Variants in PHF24 observed in about 807,000 individuals in gnomAD.
The protein encoded by PHF24 is PHD finger protein 24.
A neutral mutation model predicts 42.6 loss-of-function variants in PHF24; 25 were observed. The ratio of observed to expected loss-of-function variants is 0.59; its 90% confidence interval spans 0.43 to 0.82. The LOEUF (loss-of-function observed/expected upper bound fraction) is 0.82. Among genes scored for constraint, PHF24 ranks in the 40% least tolerant of loss-of-function variants. The pLI, the probability that PHF24 is intolerant of heterozygous loss-of-function variation, is 0.00. For missense variants in PHF24, 470 were observed against 538.1 expected (o/e 0.87, Z 1.25); for synonymous variants, 185 against 204.8 (o/e 0.90, Z 0.83).
the PHF24 span, among the ~76,000 whole-genome samples, chr9:34,829,488 A>G: frequency 6.6e-6 from 1 of 152,182 alleles, no homozygotes; most frequent in African/African-American, 2.4e-5. Context: ...AAGTATTCCA[A>G]TATTTTAATT....
chr9:34,901,111 G>A, the PHF24 span, among the ~76,000 whole-genome samples: 8 of 152,138 alleles, frequency 5.3e-5, no homozygotes, highest in Admixed American at 5.2e-4. Context: ...TTCTTGTCAA[G>A]AAAACTCTTA....
the PHF24 span, among the ~76,000 whole-genome samples, chr9:34,805,844 C>T: frequency 1.3e-5 from 2 of 152,090 alleles, no homozygotes; most frequent in African/African-American, 4.8e-5. Flanking sequence ...ATAGTTTTAG[C>T]TTTTTGTTCA....
chr9:34,783,779 C>A, the PHF24 span, among the ~76,000 whole-genome samples: 1 of 152,200 alleles, frequency 6.6e-6, no homozygotes, highest in African/African-American at 2.4e-5. Flanking sequence ...TTAATAACCT[C>A]AAGCTTCCCT....
chr9:34,676,896 C>A, the PHF24 span, among the ~76,000 whole-genome samples: 1 of 152,140 alleles, frequency 6.6e-6, no homozygotes, highest in Non-Finnish European at 1.5e-5. Flanking sequence ...GAGGACAGCC[C>A]CAAGGGGGTG....
the PHF24 span, among the ~76,000 whole-genome samples, chr9:34,827,083 T>A: frequency 1.3e-5 from 2 of 152,292 alleles, no homozygotes; most frequent in African/African-American, 4.8e-5. Flanking sequence ...GTCAGCAGCA[T>A]GAGCCCATGC....
At chr9:34,763,565 T>A in the PHF24 span, among the ~76,000 whole-genome samples, 1 of 152,344 alleles carries the variant, frequency 6.6e-6, no homozygotes, top group South Asian at 2.1e-4. Context: ...GAGACTTTGC[T>A]GAAGTTGCTT....
chr9:34,761,939 A>G, the PHF24 span, among the ~76,000 whole-genome samples: 2 of 152,038 alleles, frequency 1.3e-5, no homozygotes, highest in African/African-American at 4.8e-5. Context: ...GAGTGAGAAT[A>G]TGCGGTGTTT....
At chr9:34,823,336 C>T in the PHF24 span, among the ~76,000 whole-genome samples, 1 of 151,858 alleles carries the variant, frequency 6.6e-6, no homozygotes, top group Admixed American at 6.6e-5. Flanking sequence ...GAGGAAGGGG[C>T]TGTGCTTCTT....
chr9:34,833,558 T>C, the PHF24 span: 7 of 1,551,584 alleles, frequency 4.5e-6, no homozygotes, highest in South Asian at 8.3e-5. Context: ...AGCAGTTTGT[T>C]CCCTGGACTT....
exon 2 of PHF24, chr9:34,971,611 A>T (rs750711934): frequency 6.2e-7 from 1 of 1,614,002 alleles, no homozygotes; most frequent in Non-Finnish European, 8.5e-7. Context: ...CCCTGCGTTC[A>T]TCCGCCCCAC....
the PHF24 span, among the ~76,000 whole-genome samples, chr9:34,710,885 G>A: frequency 2.0e-5 from 3 of 152,062 alleles, no homozygotes; most frequent in South Asian, 2.1e-4. Context: ...GCCACCCAAA[G>A]TGCTGGAATT....
chr9:34,710,590 CCCCAGGAGCTG>C, the PHF24 span, among the ~76,000 whole-genome samples: 1 of 151,760 alleles, frequency 6.6e-6, no homozygotes, highest in East Asian at 1.9e-4. Context: ...ACCTCAACCT[CCCCAGGAGCTG>C]GGACTACAGG....
At chr9:34,971,720 A>G in intron 2 of PHF24, 44 bp downstream of exon 2, 14 of 1,556,944 alleles carry the variant, frequency 9.0e-6, no homozygotes, top group South Asian at 1.2e-5. Context: ...TTAGTGCATC[A>G]GGGAGCAGGA....
the PHF24 span, among the ~76,000 whole-genome samples, chr9:34,733,762 CA>C: frequency 1.2e-4 from 18 of 152,204 alleles, no homozygotes; most frequent in South Asian, 3.7e-3. Context: ...CTCGGCCCTC[CA>C]AATTGCTGTG....
At chr9:34,855,621 A>G in the PHF24 span, among the ~76,000 whole-genome samples, 15 of 152,324 alleles carry the variant, frequency 9.8e-5, no homozygotes, top group South Asian at 2.1e-4. Context: ...CTTCTGGCTT[A>G]TAGTGTTTCC....
chr9:34,726,674 G>A, the PHF24 span: 489,467 of 1,551,152 alleles, frequency 0.32, 79,042 homozygotes, highest in Non-Finnish European at 0.33. Context: ...ATCTGCATAC[G>A]TTGACTGGGC....
the PHF24 span, among the ~76,000 whole-genome samples, chr9:34,760,568 C>T: frequency 6.6e-6 from 1 of 152,204 alleles, no homozygotes; most frequent in South Asian, 2.1e-4. Flanking sequence ...GCAGCAAAAC[C>T]ACCGGAGCTC....
At chr9:34,699,928 G>T in the PHF24 span, among the ~76,000 whole-genome samples, 77 of 152,300 alleles carry the variant, frequency 5.1e-4, no homozygotes, top group African/African-American at 1.7e-3. Context: ...AAGGCAAGAG[G>T]GATAGGGAGT....
chr9:34,889,599 A>G, the PHF24 span: 1 of 398,628 alleles, frequency 2.5e-6, no homozygotes, highest in Non-Finnish European at 4.4e-6. Context: ...GTGCAGAAAC[A>G]GCTTCATCTT....
Sources: gnomAD v4.1 joint callset for allele counts (sites outside exome capture counted in the v4.1 genomes callset) on GRCh38, gnomAD v4.1.1 for gene constraint, MANE v1.5 for transcripts, NCBI Gene and HGNC (gene_info 2026-07-23, HGNC 2026-07-21) for gene names.